Variants in OR9G4 observed in about 807,000 individuals in gnomAD.
OR9G4 encodes olfactory receptor family 9 subfamily G member 4.
Under a neutral mutation model 16.7 loss-of-function variants are expected in OR9G4, and 19 were observed. That is an observed-to-expected ratio of 1.14 (90% CI 0.79 to 1.67). The LOEUF is 1.67. Among genes scored for constraint, OR9G4 ranks in the 40% most tolerant of loss-of-function variants. The pLI is 0.00. For missense variants in OR9G4, 428 were observed against 370.4 expected (o/e 1.16, Z -1.28); for synonymous variants, 182 against 146.2 (o/e 1.24, Z -1.76).
At position 56,743,850 on chromosome 11, in the gene OR9G4, T is replaced by C. The variant is rs1305577371; in HGVS notation, c.-22-62A>G. 4 of 1,546,520 alleles carry C rather than the reference T, an allele frequency of 2.6e-6. No homozygotes were observed. The East Asian group carries it at 9.0e-5, about 35-fold the overall frequency. On this transcript the variant is annotated intron_variant, in intron 1 of 1. Coordinates refer to ENST00000641668, the MANE Select transcript of OR9G4 (RefSeq NM_001005284.2). ...TTCTATTCACACAAGTTGACAAGGG[T>C]ATCAATTAAATCAACAATTACTAAG...
rs372444971 is a variant in OR9G4 at position 56,744,244 on chromosome 11, G to T, written c.-22-456C>A. 2.6e-5 allele frequency among the ~76,000 whole-genome samples: 4 copies of T among 151,964 alleles called. No individual in the cohort carries two copies. In the East Asian group the frequency reaches 5.8e-4, roughly 22 times the overall value. Reference sequence around the variant, plus strand: ...CACCACACCAACTCTACTAAAAATGGTGTTTTACCATGTTGGCCATGCTCG... The same window carrying T: ...CACCACACCAACTCTACTAAAAATGTTGTTTTACCATGTTGGCCATGCTCG... On this transcript the variant is annotated intron_variant, in intron 1 of 1. Coordinates refer to ENST00000641668, the MANE Select transcript of OR9G4 (RefSeq NM_001005284.2).
At chr11:56,745,900 T>G (rs1858402178) in intron 1 of OR9G4, among the ~76,000 whole-genome samples, 1 of 152,204 alleles carries the variant, frequency 6.6e-6, no homozygotes, top group African/African-American at 2.4e-5. Context: ...CACAGGACAT[T>G]ACCACTGTCT....
In OR9G4 at chr11:56,742,664, TGTTTACATCATAACAAACGAA is replaced by T. The variant is rs2135057210; in HGVS notation, c.*143_*163del. ...ATAAGTTTTAAATATTACTTTGTTT[TGTTTACATCATAACAAACGAA>T]TAACAAGGAGTCATGTGGTCAATAT... On this transcript the variant is annotated 3_prime_UTR_variant, in exon 2 of 2. Transcript: ENST00000641668. The T allele has an allele frequency of 1.6e-6, 1 of 632,216 alleles. No individual in the cohort carries two copies. The highest frequency in any genetic ancestry group is 2.7e-5 in the East Asian group (1 of 36,472). The allele number at this position is 632,216 out of a possible 1,614,324, so 39.2% of individuals were successfully genotyped here. A position where few individuals can be genotyped will look rare whatever the true frequency, so the allele number is the denominator to read the frequency against.
At chr11:56,745,457 A>G (rs1314254722) in intron 1 of OR9G4, among the ~76,000 whole-genome samples, 2 of 152,148 alleles carry the variant, frequency 1.3e-5, no homozygotes, top group Non-Finnish European at 2.9e-5. Flanking sequence ...CCAAACTTCC[A>G]TGATTCCAAT....
chr11:56,748,633 T>C (rs1858457899), intron 1 of OR9G4, 23 bp downstream of exon 1: 1 of 152,248 alleles, frequency 6.6e-6, no homozygotes, highest in Non-Finnish European at 1.5e-5. Flanking sequence ...ACTTCCTATT[T>C]GCCCCTGATC....
intron 1 of OR9G4, among the ~76,000 whole-genome samples, chr11:56,746,222 G>C (rs2135061992): frequency 6.8e-6 from 1 of 146,560 alleles, no homozygotes; most frequent in African/African-American, 2.5e-5. Context: ...GAACCCGGGA[G>C]GCGGAGCTTG....
At chr11:56,745,340 T>A (rs1303584935) in intron 1 of OR9G4, among the ~76,000 whole-genome samples, 1 of 152,206 alleles carries the variant, frequency 6.6e-6, no homozygotes, top group Non-Finnish European at 1.5e-5. Context: ...GTCCAATATT[T>A]GGTACATATC....
intron 1 of OR9G4, chr11:56,744,024 C>A: frequency 2.2e-6 from 1 of 456,378 alleles, no homozygotes; most frequent in Non-Finnish European, 3.8e-6. Flanking sequence ...CCCATATTCT[C>A]ATCAAACATG....
In OR9G4 at chr11:56,743,261, C is replaced by T. The variant is rs1332323672; in HGVS notation, c.506G>A (p.Cys169Tyr). ...AAAGTGGTCAATGATATTTTTACCA[C>T]AAAAATGCAGGCGGAATGTATTGGC... is the stretch of plus-strand genomic sequence containing the variant. ...HTANTFRLHF[C>Y]GKNIIDHFFC... The change falls in exon 2 of 2, where the codon TGT becomes TAT. Residue 169 changes from cysteine (C) to tyrosine (Y), a missense_variant. Cys to Tyr is a radical substitution (Grantham distance 194). Coordinates refer to ENST00000641668, the MANE Select transcript of OR9G4 (RefSeq NM_001005284.2). The T allele has an allele frequency of 3.1e-6, 5 of 1,614,082 alleles. No homozygotes were observed. Among genetic ancestry groups the T allele is most frequent in the Non-Finnish European group, 3.4e-6 (4 of 1,180,016 alleles).
At chr11:56,746,016 G>A (rs1196210062) in intron 1 of OR9G4, among the ~76,000 whole-genome samples, 3 of 151,480 alleles carry the variant, frequency 2.0e-5, no homozygotes, top group African/African-American at 7.3e-5. Context: ...CCTATGGGCC[G>A]GGCGCGGTGG....
chr11:56,746,879 A>G (rs1056226644), intron 1 of OR9G4, among the ~76,000 whole-genome samples: 9 of 152,108 alleles, frequency 5.9e-5, no homozygotes, highest in Non-Finnish European at 8.8e-5. Context: ...TCAAACCACT[A>G]TGATCTACTG....
At chr11:56,747,731 G>A in intron 1 of OR9G4, among the ~76,000 whole-genome samples, 1 of 151,772 alleles carries the variant, frequency 6.6e-6, no homozygotes, top group East Asian at 1.9e-4. Context: ...CTGGACTGCA[G>A]TGGCACAATC....
chr11:56,743,602 C>A lies in OR9G4; in HGVS notation c.165G>T (p.Leu55Phe). The change falls in exon 2 of 2, where the codon TTG becomes TTT. Residue 55 changes from leucine (L) to phenylalanine (F), a missense_variant. By Grantham distance (22) the Leu-to-Phe change is conservative. Coordinates refer to ENST00000641668, the MANE Select transcript of OR9G4 (RefSeq NM_001005284.2). Reference sequence around the variant, plus strand: ...CAATGAAAAAGTACATAGGTGTATGCAAGTGGGAATCAGTTCGGATTAAGA... The same window carrying A: ...CAATGAAAAAGTACATAGGTGTATGAAAGTGGGAATCAGTTCGGATTAAGA... ...LVILIRTDSH[L>F]HTPMYFFIGN... 1 of 1,614,060 alleles carries A rather than the reference C, an allele frequency of 6.2e-7. No individual in the cohort carries two copies. Among genetic ancestry groups the A allele is most frequent in the Non-Finnish European group, 8.5e-7 (1 of 1,179,966 alleles).
At chr11:56,744,309 C>T (rs1858370110) in intron 1 of OR9G4, among the ~76,000 whole-genome samples, 1 of 152,196 alleles carries the variant, frequency 6.6e-6, no homozygotes, top group African/African-American at 2.4e-5. Flanking sequence ...CCGCCTCAGC[C>T]TCCCAAAGTG....
rs534116866 is a variant in OR9G4 at position 56,742,682 on chromosome 11, C to T, written c.*146G>A. The T allele has an allele frequency of 3.9e-5, 27 of 690,002 alleles. No homozygotes were observed. Among genetic ancestry groups the T allele is most frequent in the Admixed American group, 2.0e-4 (7 of 35,486 alleles). 42.7% of individuals were successfully genotyped at this position (690,002 alleles called of 1,614,324 possible). A position where few individuals can be genotyped will look rare whatever the true frequency, so the allele number is the denominator to read the frequency against. ...TTTGTTTTGTTTACATCATAACAAA[C>T]GAATAACAAGGAGTCATGTGGTCAA... On this transcript the variant is annotated 3_prime_UTR_variant, in exon 2 of 2. Transcript: ENST00000641668.
chr11:56,743,695 C>T lies in OR9G4; in HGVS notation c.72G>A (p.Gln24=). The part of the protein sequence containing the change: ...LLGFSADSQW[Q]PILFGVFLML... Reference sequence around the variant, plus strand: ...TCAGAAACACTCCAAATAGAATCGGCTGCCACTGGGAATCTGCTGAGAAAC... The same window carrying T: ...TCAGAAACACTCCAAATAGAATCGGTTGCCACTGGGAATCTGCTGAGAAAC... Residue 24 remains glutamine (Q), a synonymous_variant, in exon 2 of 2, where the codon CAG becomes CAA. Transcript: ENST00000641668. 1 of 1,614,158 alleles carries T rather than the reference C, an allele frequency of 6.2e-7. No individual in the cohort carries two copies. The highest frequency in any genetic ancestry group is 8.5e-7 in the Non-Finnish European group (1 of 1,180,020).
chr11:56,745,497 G>T (rs893876434), intron 1 of OR9G4, among the ~76,000 whole-genome samples: 2 of 151,954 alleles, frequency 1.3e-5, no homozygotes, highest in East Asian at 3.9e-4. Context: ...AAATTGTTAC[G>T]TGCCAGGTGC....
At position 56,743,586 on chromosome 11, in the gene OR9G4, A is replaced by C. The variant is rs1190620781; in HGVS notation, c.181T>G (p.Phe61Val). 6.2e-7 allele frequency: 1 copy of C among 1,614,198 alleles called. No individual in the cohort carries two copies. The highest frequency in any genetic ancestry group is 1.7e-5 in the Admixed American group (1 of 60,028). ...AAAAAAGACAGATTGCCAATGAAAAAGTACATAGGTGTATGCAAGTGGGAA... is the reference window on the plus strand; with the variant it reads ...AAAAAAGACAGATTGCCAATGAAAACGTACATAGGTGTATGCAAGTGGGAA... ...TDSHLHTPMYFFIGNLSFLDF... is the reference protein window; with the variant it reads ...TDSHLHTPMYVFIGNLSFLDF... Residue 61 changes from phenylalanine (F) to valine (V), a missense_variant, in exon 2 of 2, where the codon TTT becomes GTT. Coordinates refer to ENST00000641668, the MANE Select transcript of OR9G4 (RefSeq NM_001005284.2).
chr11:56,743,836 C>G (rs1024037222), intron 1 of OR9G4, 48 bp from the exon 2 acceptor site: 3 of 1,578,372 alleles, frequency 1.9e-6, no homozygotes, highest in Non-Finnish European at 2.6e-6. Context: ...TCTATTCACA[C>G]AAGTTGACAA....
Sources: allele counts gnomAD v4.1 joint callset (sites outside exome capture counted in the v4.1 genomes callset), GRCh38; gene constraint gnomAD v4.1.1; transcripts MANE v1.5; gene names NCBI Gene and HGNC (gene_info 2026-07-23, HGNC 2026-07-21).